The following SIX4 variants were observed in gnomAD, a reference collection of about 807,000 sequenced individuals.
SIX4 encodes homeobox protein SIX4.
In SIX4, 23 loss-of-function variants were observed where a neutral mutation model predicts 51.5. That is an observed-to-expected ratio of 0.45 (90% confidence interval 0.32 to 0.63). SIX4 has a LOEUF of 0.63. SIX4 is among the 30% of genes least tolerant of loss of function. The pLI is 0.04. For missense variants in SIX4, 867 were observed against 984.0 expected, an observed-to-expected ratio of 0.88 and a Z score of 1.59; for synonymous variants, 413 against 417.3, an observed-to-expected ratio of 0.99 and a Z score of 0.13.
chr14:60,713,603 G>A lies in SIX4; in HGVS notation c.2150C>T (p.Ser717Leu), dbSNP rs147121728. The change falls in exon 3 of 3, where the codon TCG becomes TTG. Residue 717 changes from serine (S) to leucine (L), a missense_variant. Ser to Leu is a moderately radical substitution (Grantham distance 145, BLOSUM62 -2). Transcript: ENST00000216513. Reference protein sequence around the residue: ...FVQEHRLVLQSVANMKENFLS... With the variant: ...FVQEHRLVLQLVANMKENFLS... ...GAAATTCTCTTTCATGTTAGCTACC[G>A]ATTGCAGAACCAAACGATGTTCTTG... 82 of 1,614,182 alleles carry A rather than the reference G, an allele frequency of 5.1e-5. No individual in the cohort carries two copies. Among genetic ancestry groups the A allele is most frequent in the Middle Eastern group, 1.6e-4 (1 of 6,062 alleles).
Position 60,723,613 on chromosome 14 carries a change from G to C in SIX4, c.462C>G (p.Leu154=), listed in dbSNP as rs753184638. The change falls in exon 1 of 3, where the codon CTC becomes CTG. Residue 154 remains leucine, a synonymous_variant. Coordinates refer to ENST00000216513, the MANE Select transcript of SIX4 (RefSeq NM_017420.5). ...GNESLLKARA[L]VAFHQGIYPE... is the part of the protein sequence containing the mutation. ...GGTAGATGCCCTGGTGGAAGGCCAC[G>C]AGCGCCCGCGCCTTCAGCAGGCTCT... 5.0e-6 allele frequency: 8 copies of C among 1,608,770 alleles called. No individual in the cohort carries two copies. Among genetic ancestry groups the C allele is most frequent in the Non-Finnish European group, 6.8e-6 (8 of 1,178,200 alleles).
At position 60,719,889 on chromosome 14, in the gene SIX4, T is replaced by C; in HGVS notation, c.1420A>G (p.Thr474Ala). Residue 474 changes from threonine (T) to alanine (A), a missense_variant, in exon 2 of 3, where the codon ACA (threonine) becomes GCA (alanine). Physicochemically the swap from Thr to Ala is moderately conservative, Grantham distance 58 (BLOSUM62 0). Transcript: ENST00000216513. The surrounding 1 kb of genome is among the most constrained non-coding windows in gnomAD (Gnocchi z 4.9). Reference protein sequence around the residue: ...QDGGSVVTFTTPVQINQYGIV... With the variant: ...QDGGSVVTFTAPVQINQYGIV... ...CCATACTGGTTAATTTGCACTGGTG[T>C]AGTAAAAGTCACTACAGACCCTCCA... is the stretch of plus-strand genomic sequence containing the variant. 1.2e-6 allele frequency: 2 copies of C among 1,614,168 alleles called. No homozygotes were observed. Among genetic ancestry groups the C allele is most frequent in the South Asian group, 1.1e-5 (1 of 91,076 alleles).
At position 60,713,919 on chromosome 14, in the gene SIX4, C is replaced by A; in HGVS notation, c.1834G>T (p.Val612Phe). 1 of 1,614,134 alleles carries A rather than the reference C, an allele frequency of 6.2e-7. No homozygotes were observed. Among genetic ancestry groups the A allele is most frequent in the Non-Finnish European group, 8.5e-7 (1 of 1,180,022 alleles). ...SGLHPLASSL[V>F]NVSPTHNFSL... ...AAATTGTGAGTTGGAGATACATTAA[C>A]TAATGAGGAGGCCAGTGGATGCAGG... The change falls in exon 3 of 3, where the codon GTT becomes TTT. Residue 612 changes from valine to phenylalanine, a missense_variant. By Grantham distance (50) the Val-to-Phe change is conservative. Coordinates refer to ENST00000216513, the MANE Select transcript of SIX4 (RefSeq NM_017420.5).
rs750889907 is a variant in SIX4 at position 60,720,074 on chromosome 14, C to T, written c.1235G>A (p.Gly412Glu). Reference sequence around the variant, plus strand: ...TTCCTTCACGTCCTGGGAAGTAGACCCCAGTATGTCAGTCATGGATATACC... The same window carrying T: ...TTCCTTCACGTCCTGGGAAGTAGACTCCAGTATGTCAGTCATGGATATACC... ...SNGISMTDIL[G>E]STSQDVKEFK... Residue 412 changes from glycine to glutamate, a missense_variant, in exon 2 of 3, where the codon GGG becomes GAG. Coordinates refer to ENST00000216513, the MANE Select transcript of SIX4 (RefSeq NM_017420.5). This position sits in a 1 kb window ranked among gnomAD's most constrained non-coding sequence, Gnocchi z 5.5. The T allele has an allele frequency of 1.2e-6, 2 of 1,614,136 alleles. No homozygotes were observed. The highest frequency in any genetic ancestry group is 4.5e-5 in the East Asian group (2 of 44,874).
chr14:60,723,706 C>T lies in SIX4; in HGVS notation c.369G>A (p.Gly123=), dbSNP rs912465877. 15 of 1,557,652 alleles carry T rather than the reference C, an allele frequency of 9.6e-6. No individual in the cohort carries two copies. Among genetic ancestry groups the T allele is most frequent in the South Asian group, 3.5e-5 (3 of 84,976 alleles). ...ACCGGGCCAGGCGGTCCAGGTTGCC[C>T]CCCTGCTGCAGTGCCTCGCACACGC... ...VACVCEALQQ[G]GNLDRLARFL... Residue 123 remains glycine (G), a synonymous_variant, in exon 1 of 3, where the codon GGG becomes GGA. Transcript: ENST00000216513.
Position 60,723,832 on chromosome 14 carries a change from C to A in SIX4, c.243G>T (p.Ala81=). ...GTTCCGAGTGGAGTTGTACCTGATCCGCCGCCGCTCCGGCCGCCGCCGCCG... is the reference window on the plus strand; with the variant it reads ...GTTCCGAGTGGAGTTGTACCTGATCAGCCGCCGCTCCGGCCGCCGCCGCCG... The part of the protein sequence containing the change: ...AVAAAAAGAA[A]DQVQLHSELL... The change falls in exon 1 of 3, where the codon GCG becomes GCT. Residue 81 remains alanine (A), a synonymous_variant. Coordinates refer to ENST00000216513, the MANE Select transcript of SIX4 (RefSeq NM_017420.5). The A allele has an allele frequency of 6.6e-7, 1 of 1,520,394 alleles. No homozygotes were observed. Among genetic ancestry groups the A allele is most frequent in the Middle Eastern group, 2.0e-4 (1 of 4,978 alleles). The allele number at this position is 1,520,394 out of a possible 1,614,324, so 94.2% of individuals were successfully genotyped here.
chr14:60,716,228 C>T (rs919984514), intron 2 of SIX4, among the ~76,000 whole-genome samples: 1 of 151,652 alleles, frequency 6.6e-6, no homozygotes, highest in Non-Finnish European at 1.5e-5. Context: ...ACTACAGGTA[C>T]GTACTACTAT....
rs370632624 is a variant in SIX4, at chr14:60,723,977, C to G, written c.98G>C (p.Arg33Pro). The change falls in exon 1 of 3, where the codon CGA (arginine) becomes CCA (proline). Residue 33 changes from arginine to proline, a missense_variant. Transcript: ENST00000216513. Reference protein sequence around the residue: ...ESASEGQEAHREVAGGAAVGL... With the variant: ...ESASEGQEAHPEVAGGAAVGL... ...TACCGCCGCGCCCCCCGCCACTTCT[C>G]GGTGCGCCTCCTGCCCTTCCGAGGC... is the stretch of plus-strand genomic sequence containing the variant. 1.9e-5 allele frequency: 29 copies of G among 1,512,510 alleles called. No individual in the cohort carries two copies. Among genetic ancestry groups the G allele is most frequent in the Non-Finnish European group, 2.4e-5 (27 of 1,135,028 alleles). The allele number at this position is 1,512,510 out of a possible 1,614,324, so 93.7% of individuals were successfully genotyped here.
At position 60,714,076 on chromosome 14, in the gene SIX4, A is replaced by G. The variant is rs1566737232; in HGVS notation, c.1677T>C (p.Asn559=). The G allele has an allele frequency of 1.9e-6, 3 of 1,614,154 alleles. No individual in the cohort carries two copies. Among genetic ancestry groups the G allele is most frequent in the Non-Finnish European group, 2.5e-6 (3 of 1,180,016 alleles). ...APSAVVYTVP[N]TGQTIGSVKQ... ...TCACAGATCCTATAGTCTGGCCTGT[A>G]TTAGGAACCGTGTATACCACTGCAC... The change falls in exon 3 of 3, where the codon AAT becomes AAC. Residue 559 remains asparagine (N), a synonymous_variant. Transcript: ENST00000216513.
rs1161537199 is a variant in SIX4, at chr14:60,722,541, C to A, written c.863+671G>T. 2.0e-5 allele frequency among the ~76,000 whole-genome samples: 3 copies of A among 152,192 alleles called. No individual in the cohort carries two copies. Among genetic ancestry groups the A allele is most frequent in the Admixed American group, 6.5e-5 (1 of 15,290 alleles). Reference sequence around the variant, plus strand: ...CAAAACATGACAGAGCCGAGCTGCACCAGCACCCCACGTTGCCGCGGCCGC... The same window carrying A: ...CAAAACATGACAGAGCCGAGCTGCAACAGCACCCCACGTTGCCGCGGCCGC... On this transcript the variant is annotated intron_variant, in intron 1 of 2. Transcript: ENST00000216513. This position sits in a 1 kb window ranked among gnomAD's most constrained non-coding sequence, Gnocchi z 5.9.
Position 60,723,367 on chromosome 14 carries a change from G to A in SIX4, c.708C>T (p.Asn236=), listed in dbSNP as rs369998677. 9.3e-5 allele frequency: 150 copies of A among 1,612,168 alleles called. No individual in the cohort carries two copies. The highest frequency in any genetic ancestry group is 1.2e-4 in the Non-Finnish European group (147 of 1,180,002). ...TCTGCTTGTAGAGCTCCTTGAGCGC[G>A]TTGCGCGACTTCTCCTTGAAACAAT... ...TVYCFKEKSR[N]ALKELYKQNR... is the part of the protein sequence containing the mutation. The change falls in exon 1 of 3, where the codon AAC becomes AAT. Residue 236 remains asparagine (N), a synonymous_variant. Transcript: ENST00000216513.
At position 60,723,309 on chromosome 14, in the gene SIX4, G is replaced by T. The variant is rs746244840; in HGVS notation, c.766C>A (p.Leu256Met). 1.5e-5 allele frequency: 25 copies of T among 1,613,398 alleles called. No homozygotes were observed. Among genetic ancestry groups the T allele is most frequent in the Non-Finnish European group, 2.1e-5 (25 of 1,180,004 alleles). Residue 256 changes from leucine (L) to methionine (M), a missense_variant, in exon 1 of 3, where the codon CTG (leucine) becomes ATG (methionine). Coordinates refer to ENST00000216513, the MANE Select transcript of SIX4 (RefSeq NM_017420.5). ...AGGGAGAGGCCGGTGATCTTGGCCA[G>T]GTGCCGCTTCTCGGCGGGCGAAGGG... ...RYPSPAEKRH[L>M]AKITGLSLTQ... is the part of the protein sequence containing the mutation.
rs1001496797 is a variant in SIX4, at chr14:60,722,440, A to C, written c.863+772T>G. Among the ~76,000 whole-genome samples the C allele has an allele frequency of 1.3e-5, 2 of 152,100 alleles. No individual in the cohort carries two copies. The highest frequency in any genetic ancestry group is 2.9e-5 in the Non-Finnish European group (2 of 68,020). The stretch of plus-strand genomic sequence containing the variant: ...GGAGCCAAGCAGCGTTCGGGGGCCG[A>C]GGGAGGAAGCAGCCCTTCAGCCCTG... On this transcript the variant is annotated intron_variant, in intron 1 of 2. Transcript: ENST00000216513. The surrounding 1 kb of genome is among the most constrained non-coding windows in gnomAD (Gnocchi z 5.9).
At position 60,716,775 on chromosome 14, in the gene SIX4, G is replaced by T. The variant is rs921122689; in HGVS notation, c.1550-2572C>A. ...TTCCTTCCTGAAGTATTAGAATATT[G>T]TGATTATATTATCACCTCTATTGAT... On this transcript the variant is annotated intron_variant, in intron 2 of 2. Coordinates refer to ENST00000216513, the MANE Select transcript of SIX4 (RefSeq NM_017420.5). Among the ~76,000 whole-genome samples, 104 of 152,136 alleles carry T rather than the reference G, an allele frequency of 6.8e-4. 1 individual carries two copies. Among genetic ancestry groups the T allele is most frequent in the Admixed American group, 6.7e-3 (103 of 15,276 alleles).
In SIX4 at chr14:60,712,219, G is replaced by C. The variant is rs1447385420; in HGVS notation, c.*1188C>G. The C allele has an allele frequency of 6.6e-6, 1 of 152,474 alleles. No homozygotes were observed. The highest frequency in any genetic ancestry group is 6.6e-5 in the Admixed American group (1 of 15,260). The allele number at this position is 152,474 out of a possible 1,614,324, so 9.4% of individuals were successfully genotyped here. On this transcript the variant is annotated 3_prime_UTR_variant, in exon 3 of 3. Coordinates refer to ENST00000216513, the MANE Select transcript of SIX4 (RefSeq NM_017420.5). ...ATGGTATTTATAACTTATTTTCCTT[G>C]TAATGAAAAGTATCAACAATAATTA...
In SIX4 at chr14:60,713,652, G is replaced by C. The variant is rs148735400; in HGVS notation, c.2101C>G (p.Pro701Ala). Residue 701 changes from proline to alanine, a missense_variant, in exon 3 of 3, where the codon CCA becomes GCA. Coordinates refer to ENST00000216513, the MANE Select transcript of SIX4 (RefSeq NM_017420.5). Reference sequence around the variant, plus strand: ...TGGACAAAATCCTGATGTACTGCTGGGGAGGGGTGACCTACCTGATCTTCA... The same window carrying C: ...TGGACAAAATCCTGATGTACTGCTGCGGAGGGGTGACCTACCTGATCTTCA... ...TAEDQVGHPS[P>A]AVHQDFVQEH... 487 of 1,614,198 alleles carry C rather than the reference G, an allele frequency of 3.0e-4. 1 individual carries two copies. The African/African-American group carries it at 6.0e-3, about 20-fold the overall frequency.
intron 1 of SIX4, among the ~76,000 whole-genome samples, chr14:60,721,509 C>A (rs370732208): frequency 1.6e-4 from 24 of 152,300 alleles, no homozygotes; most frequent in East Asian, 7.7e-4. Flanking sequence ...GATTTACAAG[C>A]TGAGGCTGAG....
chr14:60,723,548 G>T lies in SIX4; in HGVS notation c.527C>A (p.Ser176Ter). Residue 176 changes from serine (S) to a stop codon, truncating the protein, a stop_gained, in exon 1 of 3, where the codon TCG becomes TAG. Coordinates refer to ENST00000216513, the MANE Select transcript of SIX4 (RefSeq NM_017420.5). LOFTEE classifies it high-confidence loss of function. Reference protein sequence around the residue: ...YSILESHSFESANHPLLQQLW... With the variant: ...YSILESHSFE ...CTGCTGCAGCAGCGGGTGGTTGGCC[G>T]ACTCGAAGCTGTGGCTCTCGAGGAT... The T allele has an allele frequency of 6.2e-7, 1 of 1,609,084 alleles. No individual in the cohort carries two copies. The highest frequency in any genetic ancestry group is 8.5e-7 in the Non-Finnish European group (1 of 1,179,428).
chr14:60,712,446 A>G lies in SIX4; in HGVS notation c.*961T>C, dbSNP rs564812480. 6.5e-6 allele frequency: 1 copy of G among 152,764 alleles called. No individual in the cohort carries two copies. Among genetic ancestry groups the G allele is most frequent in the African/African-American group, 2.4e-5 (1 of 41,590 alleles). 9.5% of individuals were successfully genotyped at this position (152,764 alleles called of 1,614,324 possible). A position where few individuals can be genotyped will look rare whatever the true frequency, so the allele number is the denominator to read the frequency against. ...AGGCACATAGAATTCTATAAAAAAC[A>G]TATTTAAATGAATCAGAGTTGCTAA... On this transcript the variant is annotated 3_prime_UTR_variant, in exon 3 of 3. Transcript: ENST00000216513.
Sources: allele counts gnomAD v4.1 joint callset (sites outside exome capture counted in the v4.1 genomes callset), GRCh38; gene constraint gnomAD v4.1.1; non-coding constraint Gnocchi (gnomAD v3.1); transcripts MANE v1.5; gene names NCBI Gene and HGNC (gene_info 2026-07-23, HGNC 2026-07-21).